Variants in HTR7 observed in about 807,000 individuals in gnomAD.
HTR7 encodes 5-HT-7.
HTR7 carries 16 observed loss-of-function variants against 34.0 expected under a neutral mutation model. The observed-to-expected ratio is 0.47, with a 90% confidence interval of 0.32 to 0.71. The LOEUF (loss-of-function observed/expected upper bound fraction) is 0.71. Among genes scored for constraint, HTR7 ranks in the 30% least tolerant of loss-of-function variants. The pLI is 0.04. For synonymous variants in HTR7, 265 were observed against 260.2 expected, an observed-to-expected ratio of 1.02 and a Z score of -0.18; for missense variants, 504 against 625.5, an observed-to-expected ratio of 0.81 and a Z score of 2.07.
intron 1 of HTR7, among the ~76,000 whole-genome samples, chr10:90,797,768 C>G (rs6583732): frequency 0.018 from 2,790 of 152,288 alleles, 80 homozygotes; most frequent in African/African-American, 0.064. Context: ...CACATGCTGT[C>G]TTTGTTCATT....
At position 90,749,004 on chromosome 10, in the gene HTR7, G is replaced by C. The variant is rs751057318; in HGVS notation, c.1130C>G (p.Ser377Cys). ...GGCATATATAAAAGGGTTAATGAGA[G>C]AGTTTGCATAGCCTAGCCACAGAAA... ...RTFLWLGYAN[S>C]LINPFIYAFF... The change falls in exon 2 of 4, where the codon TCT becomes TGT. Residue 377 changes from serine (S) to cysteine (C), a missense_variant. Around this residue, in one of 4 missense-constraint regions of HTR7, gnomAD observed 154 missense variants for 212.1 expected, o/e 0.73. Coordinates refer to ENST00000336152, the MANE Select transcript of HTR7 (RefSeq NM_019859.4). This position sits in a 1 kb window ranked among gnomAD's most constrained non-coding sequence, Gnocchi z 4.2. 1 of 1,614,120 alleles carries C rather than the reference G, an allele frequency of 6.2e-7. No individual in the cohort carries two copies. The highest frequency in any genetic ancestry group is 8.5e-7 in the Non-Finnish European group (1 of 1,180,010).
intron 2 of HTR7, among the ~76,000 whole-genome samples, chr10:90,745,976 A>G (rs1268766661): frequency 6.6e-6 from 1 of 152,232 alleles, no homozygotes; most frequent in Admixed American, 6.5e-5. Flanking sequence ...ACAAAGGCAA[A>G]TATCTTTAGA....
chr10:90,761,547 G>A (rs1226926400), intron 1 of HTR7, among the ~76,000 whole-genome samples: 2 of 152,066 alleles, frequency 1.3e-5, no homozygotes, highest in Non-Finnish European at 2.9e-5. Flanking sequence ...CGTCACAAGC[G>A]TGTGGCCATC....
intron 1 of HTR7, among the ~76,000 whole-genome samples, chr10:90,852,164 G>T (rs1846510277): frequency 6.9e-6 from 1 of 145,966 alleles, no homozygotes; most frequent in Non-Finnish European, 1.5e-5. Context: ...TTCAAGACCA[G>T]CCTGGGCAAC....
chr10:90,819,693 G>A (rs1280175639), intron 1 of HTR7, among the ~76,000 whole-genome samples: 1 of 151,956 alleles, frequency 6.6e-6, no homozygotes, highest in Non-Finnish European at 1.5e-5. Flanking sequence ...TCATTCCTTA[G>A]AACAAAACCT....
At chr10:90,769,973 G>A (rs1845081054) in intron 1 of HTR7, among the ~76,000 whole-genome samples, 1 of 152,226 alleles carries the variant, frequency 6.6e-6, no homozygotes, top group Non-Finnish European at 1.5e-5. Flanking sequence ...GTGGCAGCAG[G>A]AGCCGCTGCG....
At chr10:90,771,933 G>GA (rs761850610) in intron 1 of HTR7, among the ~76,000 whole-genome samples, 3 of 150,184 alleles carry the variant, frequency 2.0e-5, no homozygotes, top group Non-Finnish European at 4.4e-5. Context: ...GGAAATAGAG[G>GA]GAAAAAAAAG....
chr10:90,793,747 G>A (rs1231400146), intron 1 of HTR7, among the ~76,000 whole-genome samples: 2 of 152,140 alleles, frequency 1.3e-5, no homozygotes, highest in Non-Finnish European at 2.9e-5. Flanking sequence ...AAGGAAGCCA[G>A]TCTGAGTCCC....
At chr10:90,811,231 T>C (rs1340976774) in intron 1 of HTR7, among the ~76,000 whole-genome samples, 2 of 152,192 alleles carry the variant, frequency 1.3e-5, no homozygotes, top group African/African-American at 2.4e-5. Flanking sequence ...CAACTTGACC[T>C]TACTGTTTTA....
chr10:90,779,859 AT>A (rs1338940239), intron 1 of HTR7, among the ~76,000 whole-genome samples: 1 of 152,124 alleles, frequency 6.6e-6, no homozygotes, highest in Non-Finnish European at 1.5e-5. Context: ...ATTCCATGTT[AT>A]TTTTTACCTC....
intron 1 of HTR7, among the ~76,000 whole-genome samples, chr10:90,760,650 C>T (rs542616200): frequency 6.6e-6 from 1 of 152,250 alleles, no homozygotes; most frequent in African/African-American, 2.4e-5. Context: ...GAGGCCAAGG[C>T]AAGTGGATCA....
chr10:90,857,564 GC>G lies in HTR7; in HGVS notation c.107del (p.Gly36AlafsTer14), dbSNP rs1238759576. 1 of 1,595,076 alleles carries G rather than the reference GC, an allele frequency of 6.3e-7. No homozygotes were observed. Among genetic ancestry groups the G allele is most frequent in the Non-Finnish European group, 8.5e-7 (1 of 1,172,298 alleles). The stretch of plus-strand genomic sequence containing the variant: ...CCCAGGAGCCCGCGACCGGGTCGGC[GC>G]CACCGTCGGGGCTCAAGTCGGGCAG... The part of the protein sequence containing the change: ...RGLPDLSPDG[G>X]ADPVAGSWAP... On this transcript the variant is annotated frameshift_variant, in exon 1 of 4. Transcript: ENST00000336152. LOFTEE classifies it high-confidence loss of function. The surrounding 1 kb of genome is among the most constrained non-coding windows in gnomAD (Gnocchi z 6.5).
chr10:90,782,426 A>AT (rs1181260279), intron 1 of HTR7, among the ~76,000 whole-genome samples: 1 of 152,210 alleles, frequency 6.6e-6, no homozygotes, highest in African/African-American at 2.4e-5. Flanking sequence ...GATACATAGT[A>AT]TGCCCCTAAT....
intron 1 of HTR7, among the ~76,000 whole-genome samples, chr10:90,812,661 G>T (rs1845832021): frequency 6.6e-6 from 1 of 152,010 alleles, no homozygotes; most frequent in Admixed American, 6.6e-5. Flanking sequence ...TCCCACTCTA[G>T]GTTCCCAAGC....
intron 2 of HTR7, among the ~76,000 whole-genome samples, chr10:90,745,996 A>G (rs1215600176): frequency 1.3e-5 from 2 of 152,218 alleles, no homozygotes; most frequent in East Asian, 3.8e-4. Flanking sequence ...ACTTTATGTT[A>G]GCTGATTTAT....
At chr10:90,753,629 A>T (rs1203537482) in intron 1 of HTR7, among the ~76,000 whole-genome samples, 1 of 152,188 alleles carries the variant, frequency 6.6e-6, no homozygotes, top group East Asian at 1.9e-4. Flanking sequence ...TCTTAAGAAG[A>T]TAATTGTACA....
At chr10:90,846,557 C>A (rs1248678083) in intron 1 of HTR7, among the ~76,000 whole-genome samples, 1 of 152,222 alleles carries the variant, frequency 6.6e-6, no homozygotes, top group Non-Finnish European at 1.5e-5. Flanking sequence ...ACAAGCATGA[C>A]CATTTTTGTC....
chr10:90,815,804 C>T (rs1359181400), intron 1 of HTR7, among the ~76,000 whole-genome samples: 4 of 152,170 alleles, frequency 2.6e-5, no homozygotes, highest in Non-Finnish European at 4.4e-5. Context: ...AGAGTAAAAG[C>T]TAGAATGCTG....
At chr10:90,762,081 G>C (rs1293210442) in intron 1 of HTR7, among the ~76,000 whole-genome samples, 2 of 152,274 alleles carry the variant, frequency 1.3e-5, no homozygotes, top group Admixed American at 1.3e-4. Flanking sequence ...TAAATAGTGG[G>C]CTATTAACAT....
Sources: allele counts gnomAD v4.1 joint callset (sites outside exome capture counted in the v4.1 genomes callset), GRCh38; gene constraint gnomAD v4.1.1; regional missense constraint gnomAD v4.1.1; non-coding constraint Gnocchi (gnomAD v3.1); transcripts MANE v1.5; gene names NCBI Gene and HGNC (gene_info 2026-07-23, HGNC 2026-07-21).